Variants in WASHC3 observed in about 807,000 individuals in gnomAD.
The protein encoded by WASHC3 is WASH complex subunit 3, also known as WASH complex subunit CCDC53.
Under a neutral mutation model 26.1 loss-of-function variants are expected in WASHC3, and 24 were observed. The observed-to-expected ratio is 0.92, with a 90% CI of 0.66 to 1.29. The LOEUF (loss-of-function observed/expected upper bound fraction) is 1.29, where lower values mean the gene tolerates loss of function less well. WASHC3 is among the 50% of genes most tolerant of loss of function. The pLI is 0.00. For synonymous variants in WASHC3, 77 were observed against 75.7 expected, an observed-to-expected ratio of 1.02 and a Z score of -0.09; for missense variants, 214 against 229.6, an observed-to-expected ratio of 0.93 and a Z score of 0.44.
At chr12:102,027,206 T>G (rs941800262) in intron 5 of WASHC3, among the ~76,000 whole-genome samples, 4 of 152,236 alleles carry the variant, frequency 2.6e-5, no homozygotes, top group African/African-American at 9.6e-5. Context: ...CTCCCATAGC[T>G]ATTTTGAAAT....
intron 4 of WASHC3, chr12:102,040,437 A>G (rs1877893517): frequency 6.6e-6 from 1 of 152,128 alleles, no homozygotes. Context: ...TATTTATTAA[A>G]TCATTTTATT....
intron 5 of WASHC3, among the ~76,000 whole-genome samples, chr12:102,030,691 T>G (rs1449911988): frequency 1.3e-5 from 2 of 152,172 alleles, no homozygotes; most frequent in Non-Finnish European, 2.9e-5. Context: ...TATTAAAATA[T>G]TCTCAGCTAT....
chr12:102,023,754 G>C (rs1877054018), intron 6 of WASHC3, among the ~76,000 whole-genome samples: 1 of 152,176 alleles, frequency 6.6e-6, no homozygotes, highest in Admixed American at 6.6e-5. Context: ...TGCATATGAG[G>C]TAATGGGGCA....
intron 3 of WASHC3, among the ~76,000 whole-genome samples, chr12:102,045,696 A>T (rs1253498052): frequency 6.6e-6 from 1 of 152,236 alleles, no homozygotes. Flanking sequence ...GCTCTGAGAC[A>T]TCTAAAGATT....
chr12:102,039,729 G>T, intron 5 of WASHC3, 139 bp downstream of exon 5: 1 of 387,566 alleles, frequency 2.6e-6, no homozygotes, highest in Non-Finnish European at 4.8e-6. Flanking sequence ...AATTAAAATA[G>T]AAAGGAAGTA....
chr12:102,051,893 A>G (rs1315962780), intron 2 of WASHC3, among the ~76,000 whole-genome samples: 2 of 152,236 alleles, frequency 1.3e-5, no homozygotes, highest in Admixed American at 1.3e-4. Flanking sequence ...TACACAATAA[A>G]TATTAGTTGT....
At chr12:102,053,864 C>CAA (rs1299366981) in intron 2 of WASHC3, among the ~76,000 whole-genome samples, 1 of 151,446 alleles carries the variant, frequency 6.6e-6, no homozygotes, top group African/African-American at 2.4e-5. Context: ...AGTTAACAGA[C>CAA]AAAACTATTA....
intron 6 of WASHC3, among the ~76,000 whole-genome samples, chr12:102,017,092 T>A (rs546813273): frequency 1.3e-5 from 2 of 152,280 alleles, no homozygotes; most frequent in Admixed American, 6.5e-5. Flanking sequence ...CAGGTACCAT[T>A]TTTCACTTTT....
intron 5 of WASHC3, among the ~76,000 whole-genome samples, chr12:102,028,178 T>C (rs1043098414): frequency 1.1e-4 from 17 of 152,284 alleles, no homozygotes; most frequent in African/African-American, 4.1e-4. Context: ...TTTTGAAATA[T>C]ATATCTAAAA....
chr12:102,025,800 A>G, intron 6 of WASHC3, 174 bp downstream of exon 6: 1 of 559,282 alleles, frequency 1.8e-6, no homozygotes, highest in East Asian at 3.1e-5. Context: ...TGGTCTTAGT[A>G]GAATATGATA....
intron 6 of WASHC3, among the ~76,000 whole-genome samples, chr12:102,023,484 A>G (rs1329824742): frequency 6.6e-6 from 1 of 152,154 alleles, no homozygotes; most frequent in Non-Finnish European, 1.5e-5. Context: ...TGTACCTAAG[A>G]TTCTAAATAA....
In WASHC3 at chr12:102,058,351, G is replaced by A. The variant is rs561264289; in HGVS notation, c.150+2897C>T. Reference sequence around the variant, plus strand: ...GGGGAAAGTTGCACGACATTGGTCTGGGCAATGACTTTTTTTGGATATAAA... The same window carrying A: ...GGGGAAAGTTGCACGACATTGGTCTAGGCAATGACTTTTTTTGGATATAAA... On this transcript the variant is annotated intron_variant, in intron 2 of 6. Transcript: ENST00000240079. Among the ~76,000 whole-genome samples, 149 of 152,158 alleles carry A rather than the reference G, an allele frequency of 9.8e-4. 1 individual carries two copies. Among genetic ancestry groups the A allele is most frequent in the African/African-American group, 3.5e-3 (147 of 41,538 alleles).
At chr12:102,019,376 A>G (rs1285242348) in intron 6 of WASHC3, 1 of 392,678 alleles carries the variant, frequency 2.5e-6, no homozygotes. Context: ...TTCACCCTAC[A>G]AGTTGTTTTT....
Position 102,016,296 on chromosome 12 carries a change from C to T in WASHC3, c.501-3104G>A, listed in dbSNP as rs562104399. On this transcript the variant is annotated intron_variant, in intron 6 of 6. Transcript: ENST00000240079. Reference sequence around the variant, plus strand: ...CTTGGCTCACTGCAATCTCTACCTCCAGGGTTCAAGCCATCCTCCTGCCTC... The same window carrying T: ...CTTGGCTCACTGCAATCTCTACCTCTAGGGTTCAAGCCATCCTCCTGCCTC... Among the ~76,000 whole-genome samples the T allele has an allele frequency of 4.1e-4, 62 of 152,196 alleles. No homozygotes were observed. The South Asian group carries it at 7.3e-3, about 18-fold the overall frequency.
chr12:102,045,946 C>T lies in WASHC3; in HGVS notation c.216+108G>A, dbSNP rs545535252. 140 of 637,634 alleles carry T rather than the reference C, an allele frequency of 2.2e-4. 3 individuals carry two copies. In the South Asian group the frequency reaches 2.6e-3, roughly 12 times the overall value. 39.5% of individuals were successfully genotyped at this position (637,634 alleles called of 1,614,324 possible). A position where few individuals can be genotyped will look rare whatever the true frequency, so the allele number is the denominator to read the frequency against. ...CACAACCAGTATCACTTCACAGATA[C>T]AGAAGTTAAATGGAATCACTCCCAA... On this transcript the variant is annotated intron_variant, in intron 3 of 6. Coordinates refer to ENST00000240079, the MANE Select transcript of WASHC3 (RefSeq NM_016053.4).
intron 2 of WASHC3, among the ~76,000 whole-genome samples, chr12:102,052,305 C>T (rs978083864): frequency 2.0e-5 from 3 of 152,204 alleles, no homozygotes; most frequent in Non-Finnish European, 4.4e-5. Flanking sequence ...AGGACTTTGC[C>T]TTGGACCACA....
intron 2 of WASHC3, chr12:102,050,493 A>C (rs1878350317): frequency 5.4e-6 from 2 of 370,702 alleles, no homozygotes; most frequent in Non-Finnish European, 1.1e-5. Flanking sequence ...CACACACACA[A>C]TTAGCCGGGT....
intron 2 of WASHC3, among the ~76,000 whole-genome samples, chr12:102,055,322 G>C (rs1385459530): frequency 1.3e-5 from 2 of 152,160 alleles, no homozygotes; most frequent in Non-Finnish European, 2.9e-5. Context: ...GTGTTTGAAA[G>C]AATCAGCGAA....
At chr12:102,050,637 C>T (rs904826898) in intron 2 of WASHC3, 11 of 439,214 alleles carry the variant, frequency 2.5e-5, no homozygotes, top group African/African-American at 1.4e-4. Context: ...AGCAAGACCC[C>T]GTCTCGGGGG....
Sources: allele counts gnomAD v4.1 joint callset (sites outside exome capture counted in the v4.1 genomes callset), GRCh38; gene constraint gnomAD v4.1.1; transcripts MANE v1.5; gene names NCBI Gene and HGNC (gene_info 2026-07-23, HGNC 2026-07-21).